The following RPTOR variants were observed in gnomAD, a reference collection of about 807,000 sequenced individuals.
RPTOR encodes the protein regulatory associated protein of MTOR complex 1, also known as regulatory-associated protein of mTOR.
A neutral mutation model predicts 169.9 loss-of-function variants in RPTOR; 21 were observed. That is an observed-to-expected ratio of 0.12 (90% CI 0.09 to 0.18). The LOEUF (loss-of-function observed/expected upper bound fraction) is 0.18, where lower values mean the gene tolerates loss of function less well. Ranked by LOEUF, RPTOR falls within the 10% of genes least tolerant of loss-of-function variation. The pLI is 1.00. For missense variants in RPTOR, 1,133 were observed against 1,855.9 expected (o/e 0.61, Z 7.16); for synonymous variants, 732 against 753.2 (o/e 0.97, Z 0.46).
chr17:80,695,378 G>A lies in RPTOR; in HGVS notation c.349-12463G>A, dbSNP rs1049220127. 2.6e-5 allele frequency among the ~76,000 whole-genome samples: 4 copies of A among 152,208 alleles called. No homozygotes were observed. The highest frequency in any genetic ancestry group is 2.0e-4 in the Admixed American group (3 of 15,284). ...GTTCATGACGTTGCCAGGTCGAATG[G>A]CTGGTGAATCATTGATTTGGGGCTG... On this transcript the variant is annotated intron_variant, in intron 3 of 33. Coordinates refer to ENST00000306801, the MANE Select transcript of RPTOR (RefSeq NM_020761.3). This position sits in a 1 kb window ranked among gnomAD's most constrained non-coding sequence, Gnocchi z 4.9.
Position 80,605,591 on chromosome 17 carries a change from T to C in RPTOR, c.163-20100T>C, listed in dbSNP as rs80328888. On this transcript the variant is annotated intron_variant, in intron 1 of 33. Coordinates refer to ENST00000306801, the MANE Select transcript of RPTOR (RefSeq NM_020761.3). ...ATCAACACAAATGGGGCATACCGGC[T>C]GCAAAACAGAGTTGGGTACCAGTGA... 4.6e-3 allele frequency among the ~76,000 whole-genome samples: 707 copies of C among 152,298 alleles called. 8 individuals carry two copies. The highest frequency in any genetic ancestry group is 0.016 in the African/African-American group (683 of 41,558).
At chr17:80,833,760 C>A (rs952353551) in intron 9 of RPTOR, among the ~76,000 whole-genome samples, 6 of 152,246 alleles carry the variant, frequency 3.9e-5, no homozygotes, top group African/African-American at 1.4e-4. Flanking sequence ...GAGGCCACGG[C>A]AGGCAGATCA....
At chr17:80,640,143 A>G (rs926805197) in intron 2 of RPTOR, among the ~76,000 whole-genome samples, 4 of 152,140 alleles carry the variant, frequency 2.6e-5, no homozygotes, top group Non-Finnish European at 4.4e-5. Flanking sequence ...CTACCCATCC[A>G]TTTCATTCAT....
At chr17:80,768,621 A>G (rs1333464514) in intron 6 of RPTOR, among the ~76,000 whole-genome samples, 1 of 152,042 alleles carries the variant, frequency 6.6e-6, no homozygotes, top group East Asian at 1.9e-4. Context: ...GAAGAAAGTC[A>G]TTTGTTGTCT....
rs181551921 is a variant in RPTOR, at chr17:80,861,336, C to G, written c.1509+3436C>G. On this transcript the variant is annotated intron_variant, in intron 13 of 33. Transcript: ENST00000306801. The surrounding 1 kb of genome is among the most constrained non-coding windows in gnomAD (Gnocchi z 4.5). ...GGAACAGGACCAGGAAGGGGCACCA[C>G]GTAAATCTCACATCTCTCCTGCCTG... is the stretch of plus-strand genomic sequence containing the variant. 2.1e-5 allele frequency among the ~76,000 whole-genome samples: 3 copies of G among 144,598 alleles called. 1 individual carries two copies. Among genetic ancestry groups the G allele is most frequent in the Non-Finnish European group, 4.7e-5 (3 of 63,984 alleles). The allele number at this position is 144,598 out of a possible 152,430, so 94.9% of individuals were successfully genotyped here.
rs1342202479 is a variant in RPTOR at position 80,708,584 on chromosome 17, CTGT to C, written c.507+589_507+591del. Among the ~76,000 whole-genome samples, 12 of 149,370 alleles carry C rather than the reference CTGT, an allele frequency of 8.0e-5. No individual in the cohort carries two copies. Among genetic ancestry groups the C allele is most frequent in the African/African-American group, 3.0e-4 (12 of 39,618 alleles). On this transcript the variant is annotated intron_variant, in intron 4 of 33. Transcript: ENST00000306801. The surrounding 1 kb of genome is among the most constrained non-coding windows in gnomAD (Gnocchi z 4.2). ...TCCTCCAGGGTGTGGTGGGTGCTGA[CTGT>C]TGTCCCCACCCTCCAGGGTGTGGTG...
chr17:80,584,320 T>C (rs943368205), intron 1 of RPTOR, among the ~76,000 whole-genome samples: 3 of 152,004 alleles, frequency 2.0e-5, no homozygotes, highest in Admixed American at 2.0e-4. Context: ...AATTTTTCTT[T>C]GAGCTTTTAA....
chr17:80,623,273 A>G (rs1175704686), intron 1 of RPTOR, among the ~76,000 whole-genome samples: 1 of 152,216 alleles, frequency 6.6e-6, no homozygotes, highest in Non-Finnish European at 1.5e-5. Context: ...ATACTTTCAA[A>G]ACCTGAAAAG....
intron 13 of RPTOR, among the ~76,000 whole-genome samples, chr17:80,859,345 G>A (rs910308596): frequency 2.6e-5 from 4 of 152,246 alleles, no homozygotes; most frequent in African/African-American, 4.8e-5. Flanking sequence ...TTTATAGAAC[G>A]TGAAGATTCT....
intron 6 of RPTOR, among the ~76,000 whole-genome samples, chr17:80,764,103 G>A (rs560137560): frequency 2.0e-5 from 3 of 150,616 alleles, no homozygotes; most frequent in Admixed American, 6.6e-5. Context: ...AGTCCTGACC[G>A]TATGACTTCT....
chr17:80,618,521 C>T (rs1599606015), intron 1 of RPTOR, among the ~76,000 whole-genome samples: 2 of 152,338 alleles, frequency 1.3e-5, no homozygotes, highest in East Asian at 1.9e-4. Context: ...CTGTAGCACT[C>T]ACGTGTGCGA....
intron 1 of RPTOR, among the ~76,000 whole-genome samples, chr17:80,580,050 T>C (rs2065001256): frequency 6.6e-6 from 1 of 152,226 alleles, no homozygotes; most frequent in Non-Finnish European, 1.5e-5. Flanking sequence ...CTATGTGCAA[T>C]CATGGCTTCC....
At chr17:80,583,182 GTTTTTTTT>G (rs1166711662) in intron 1 of RPTOR, among the ~76,000 whole-genome samples, 12 of 79,276 alleles carry the variant, frequency 1.5e-4, no homozygotes, top group Middle Eastern at 0.011. Flanking sequence ...CCTCTTTCCT[GTTTTTTTT>G]TTTTTTTTTT....
intron 20 of RPTOR, among the ~76,000 whole-genome samples, chr17:80,897,102 T>TAA (rs5822373): frequency 1.3e-4 from 19 of 151,186 alleles, no homozygotes; most frequent in East Asian, 3.9e-4. Flanking sequence ...CTGTCTCTAC[T>TAA]ATAAAAAAAT....
intron 3 of RPTOR, among the ~76,000 whole-genome samples, chr17:80,654,465 C>T (rs2065665041): frequency 6.6e-6 from 1 of 152,232 alleles, no homozygotes; most frequent in Non-Finnish European, 1.5e-5. Context: ...ACGTGGTCCT[C>T]CGTGTAACTG....
chr17:80,598,073 C>T lies in RPTOR; in HGVS notation c.163-27618C>T, dbSNP rs535278412. ...GGGAGGATCTCTTGAGTCCATCAGG[C>T]TGAGGCCACCGTGAGCCGTGATCAT... On this transcript the variant is annotated intron_variant, in intron 1 of 33. Coordinates refer to ENST00000306801, the MANE Select transcript of RPTOR (RefSeq NM_020761.3). Among the ~76,000 whole-genome samples the T allele has an allele frequency of 1.5e-4, 23 of 152,192 alleles. No homozygotes were observed. The South Asian group carries it at 4.6e-3, about 30-fold the overall frequency.
At chr17:80,684,990 A>G (rs955573379) in intron 3 of RPTOR, among the ~76,000 whole-genome samples, 1 of 152,188 alleles carries the variant, frequency 6.6e-6, no homozygotes, top group Non-Finnish European at 1.5e-5. Flanking sequence ...TGTATTTTGT[A>G]TTAAGGCTGT....
chr17:80,614,455 C>CT (rs1158601326), intron 1 of RPTOR, among the ~76,000 whole-genome samples: 1 of 152,226 alleles, frequency 6.6e-6, no homozygotes. Flanking sequence ...TTCAGAATAT[C>CT]TGATTCCTGT....
chr17:80,923,921 TAGG>T, intron 23 of RPTOR: 1 of 524,110 alleles, frequency 1.9e-6, no homozygotes, highest in Non-Finnish European at 3.3e-6. Context: ...CTGCACTCTT[TAGG>T]AGCACTGCTG....
Sources: allele counts gnomAD v4.1 joint callset (sites outside exome capture counted in the v4.1 genomes callset), GRCh38; gene constraint gnomAD v4.1.1; non-coding constraint Gnocchi (gnomAD v3.1); transcripts MANE v1.5; gene names NCBI Gene and HGNC (gene_info 2026-07-23, HGNC 2026-07-21).